The following NLGN1 variants were observed in gnomAD, a reference collection of about 807,000 sequenced individuals.
NLGN1 encodes neuroligin 1, also known as neuroligin-1.
In NLGN1, 12 loss-of-function variants were observed where a neutral mutation model predicts 65.5. The ratio of observed to expected loss-of-function variants is 0.18; its 90% confidence interval spans 0.12 to 0.30. NLGN1 has a LOEUF of 0.30. Among genes scored for constraint, NLGN1 ranks in the 10% least tolerant of loss-of-function variants. The pLI, the probability that NLGN1 is intolerant of heterozygous loss-of-function variation, is 1.00. For synonymous variants in NLGN1, 350 were observed against 359.5 expected, an observed-to-expected ratio of 0.97 and a Z score of 0.30; for missense variants, 750 against 1,007.1, an observed-to-expected ratio of 0.74 and a Z score of 3.46.
chr3:174,257,379 C>T (rs749569155), intron 4 of NLGN1, among the ~76,000 whole-genome samples: 1 of 152,098 alleles, frequency 6.6e-6, no homozygotes, highest in Non-Finnish European at 1.5e-5. Flanking sequence ...GCAGAAATAC[C>T]ATGTGACCCA....
At chr3:174,084,258 A>G (rs1235568302) in intron 4 of NLGN1, among the ~76,000 whole-genome samples, 1 of 152,188 alleles carries the variant, frequency 6.6e-6, no homozygotes, top group Non-Finnish European at 1.5e-5. Flanking sequence ...TTCCTCCTTT[A>G]CAGTTCAGAA....
intron 4 of NLGN1, among the ~76,000 whole-genome samples, chr3:173,951,402 A>G (rs567235945): frequency 6.6e-6 from 1 of 151,582 alleles, no homozygotes; most frequent in African/African-American, 2.4e-5. Flanking sequence ...AAATTGGTCT[A>G]CCTTATATCT....
rs114454452 is a variant in NLGN1, at chr3:173,433,415, A to G, written c.-389-1595A>G. 8.1e-3 allele frequency among the ~76,000 whole-genome samples: 1,231 copies of G among 152,152 alleles called. 22 individuals are homozygous for G. Among genetic ancestry groups the G allele is most frequent in the African/African-American group, 0.028 (1,153 of 41,512 alleles). On this transcript the variant is annotated intron_variant, in intron 1 of 6. Coordinates refer to ENST00000457714, the Ensembl canonical transcript of NLGN1. ...AGGCTCTGATCCCTTTCTCTGGGCC[A>G]TCTTGGATGAAAACCCTCCCCTATT...
chr3:173,803,205 G>T (rs1715841277), intron 3 of NLGN1, among the ~76,000 whole-genome samples: 1 of 152,084 alleles, frequency 6.6e-6, no homozygotes, highest in African/African-American at 2.4e-5. Context: ...GACAAAAATG[G>T]TTCAAAGTAA....
intron 2 of NLGN1, among the ~76,000 whole-genome samples, chr3:173,509,316 C>T (rs1732544568): frequency 6.6e-6 from 1 of 151,944 alleles, no homozygotes; most frequent in African/African-American, 2.4e-5. Context: ...TATTTTCATC[C>T]CATTTGACGC....
intron 4 of NLGN1, among the ~76,000 whole-genome samples, chr3:174,148,293 C>T (rs1723715711): frequency 6.6e-6 from 1 of 152,128 alleles, no homozygotes; most frequent in Admixed American, 6.5e-5. Flanking sequence ...AAAGGGGACA[C>T]AATATGTCCT....
intron 4 of NLGN1, among the ~76,000 whole-genome samples, chr3:173,945,250 T>C (rs1346099496): frequency 6.6e-6 from 1 of 152,014 alleles, no homozygotes; most frequent in Non-Finnish European, 1.5e-5. Context: ...CCAAAAACTC[T>C]GCTCTCTGGT....
chr3:173,593,800 T>G (rs757846452), intron 2 of NLGN1, among the ~76,000 whole-genome samples: 6 of 152,188 alleles, frequency 3.9e-5, no homozygotes, highest in Non-Finnish European at 1.5e-5. Context: ...GAGTTCCACA[T>G]GGCTAGGAAG....
At chr3:173,725,521 C>G (rs938974178) in intron 3 of NLGN1, among the ~76,000 whole-genome samples, 15 of 152,136 alleles carry the variant, frequency 9.9e-5, no homozygotes, top group Admixed American at 9.8e-4. Context: ...TCCCTTCCCC[C>G]CAAAATATTA....
chr3:174,255,472 C>CAGTGGTACT, intron 4 of NLGN1, among the ~76,000 whole-genome samples: 1 of 131,140 alleles, frequency 7.6e-6, no homozygotes, highest in East Asian at 2.2e-4. Flanking sequence ...AGTCAAAGAG[C>CAGTGGTACT]AGTGGTACTT....
intron 3 of NLGN1, among the ~76,000 whole-genome samples, chr3:173,667,909 G>A (rs1387397088): frequency 6.6e-6 from 1 of 152,170 alleles, no homozygotes; most frequent in Non-Finnish European, 1.5e-5. Context: ...GGGATTACAA[G>A]CGTGAGCCAC....
chr3:173,469,842 A>G (rs1373128994), intron 2 of NLGN1, among the ~76,000 whole-genome samples: 2 of 152,112 alleles, frequency 1.3e-5, no homozygotes, highest in South Asian at 2.1e-4. Context: ...AAAATTTATA[A>G]GAAGTTTTAA....
At chr3:173,689,248 A>T (rs902578611) in intron 3 of NLGN1, among the ~76,000 whole-genome samples, 1 of 152,170 alleles carries the variant, frequency 6.6e-6, no homozygotes, top group African/African-American at 2.4e-5. Flanking sequence ...CAAACCCAAC[A>T]TCACCCCCTC....
chr3:174,024,311 A>G (rs986528787), intron 4 of NLGN1, among the ~76,000 whole-genome samples: 1 of 152,132 alleles, frequency 6.6e-6, no homozygotes, highest in African/African-American at 2.4e-5. Flanking sequence ...TTGTCAAGAA[A>G]AGGCAACCAA....
upstream of NLGN1, among the ~76,000 whole-genome samples, chr3:173,397,136 C>A (rs552143876): frequency 6.6e-6 from 1 of 152,174 alleles, no homozygotes; most frequent in South Asian, 2.1e-4. Flanking sequence ...AGCTCCCAAA[C>A]GCTTTTTTTC....
intron 3 of NLGN1, among the ~76,000 whole-genome samples, chr3:173,711,651 G>T (rs3850178): frequency 3.3e-5 from 5 of 151,994 alleles, no homozygotes; most frequent in African/African-American, 1.2e-4. Context: ...TCTTTTGCCC[G>T]GGAACCTTAT....
intron 4 of NLGN1, among the ~76,000 whole-genome samples, chr3:173,985,024 A>T (rs1719588023): frequency 6.6e-6 from 1 of 152,186 alleles, no homozygotes; most frequent in Admixed American, 6.5e-5. Flanking sequence ...CCTGGGCAAT[A>T]GAGGGAGACT....
intron 4 of NLGN1, among the ~76,000 whole-genome samples, chr3:174,069,503 A>C (rs759986023): frequency 1.3e-5 from 2 of 152,218 alleles, no homozygotes; most frequent in Non-Finnish European, 2.9e-5. Context: ...CAATTTTCAA[A>C]AGTAATTAAT....
chr3:174,052,051 C>T (rs1033653730), intron 4 of NLGN1, among the ~76,000 whole-genome samples: 1 of 152,032 alleles, frequency 6.6e-6, no homozygotes, highest in African/African-American at 2.4e-5. Context: ...GTTCAAGGCT[C>T]ACAAAATCCA....
Sources: gnomAD v4.1 joint callset for allele counts (sites outside exome capture counted in the v4.1 genomes callset) on GRCh38, gnomAD v4.1.1 for gene constraint, MANE v1.5 for transcripts, NCBI Gene and HGNC (gene_info 2026-07-23, HGNC 2026-07-21) for gene names.